Variants in CEP126 observed in about 807,000 individuals in gnomAD.
CEP126 encodes centrosomal protein 126.
CEP126 carries 74 observed loss-of-function variants against 107.8 expected under a neutral mutation model. The ratio of observed to expected loss-of-function variants is 0.69; its 90% CI spans 0.57 to 0.83. The LOEUF is 0.83. CEP126 is among the 40% of genes least tolerant of loss of function. The pLI, the probability that CEP126 is intolerant of heterozygous loss-of-function variation, is 0.00. For synonymous variants in CEP126, 449 were observed against 446.0 expected, an observed-to-expected ratio of 1.01 and a Z score of -0.08; for missense variants, 1,237 against 1,281.9, an observed-to-expected ratio of 0.96 and a Z score of 0.53.
Position 101,956,801 on chromosome 11 carries a change from G to C in CEP126, c.507-1367G>C, listed in dbSNP as rs1293600543. On this transcript the variant is annotated intron_variant, in intron 4 of 10. Transcript: ENST00000263468. ...TCCCCCTATTCTTCACTCTCCTTCT[G>C]TTTCTACCTCCCCATCTCCTTTTAT... 2 of 440,628 alleles carry C rather than the reference G, an allele frequency of 4.5e-6. 1 individual carries two copies. The highest frequency in any genetic ancestry group is 3.3e-5 in the South Asian group (2 of 60,956). 27.3% of individuals were successfully genotyped at this position (440,628 alleles called of 1,614,324 possible). A position where few individuals can be genotyped will look rare whatever the true frequency, so the allele number is the denominator to read the frequency against.
chr11:101,934,943 A>G (rs1940553779), intron 2 of CEP126, among the ~76,000 whole-genome samples: 1 of 152,048 alleles, frequency 6.6e-6, no homozygotes, highest in African/African-American at 2.4e-5. Context: ...GTCTTAGGGT[A>G]TGTGTATGTT....
chr11:101,972,621 T>C (rs1941144943), intron 6 of CEP126, among the ~76,000 whole-genome samples: 1 of 151,846 alleles, frequency 6.6e-6, no homozygotes, highest in Non-Finnish European at 1.5e-5. Context: ...GCCAACATAG[T>C]GAAACCCTGT....
intron 3 of CEP126, 37 bp from the exon 4 acceptor site, chr11:101,947,994 G>A: frequency 1.9e-6 from 2 of 1,063,582 alleles, no homozygotes; most frequent in Admixed American, 2.2e-5. Flanking sequence ...TGAAGATAAA[G>A]TGATTCTGTA....
chr11:101,992,897 G>A (rs1449345135), intron 10 of CEP126, 55 bp downstream of exon 10: 72 of 1,435,622 alleles, frequency 5.0e-5, no homozygotes, highest in Non-Finnish European at 6.2e-5. Context: ...CTGATTTTAT[G>A]TACACATCAA....
intron 4 of CEP126, chr11:101,956,442 C>T: frequency 2.2e-6 from 1 of 456,524 alleles, no homozygotes; most frequent in South Asian, 1.5e-5. Context: ...CAAGCCACAG[C>T]ATTGTCAAAT....
At chr11:101,964,970 ATATACCTAAT>A (rs1941042326) in intron 6 of CEP126, among the ~76,000 whole-genome samples, 1 of 152,176 alleles carries the variant, frequency 6.6e-6, no homozygotes, top group Non-Finnish European at 1.5e-5. Flanking sequence ...TATTAATTAG[ATATACCTAAT>A]TCTCCCATTC....
At chr11:101,923,998 A>T (rs1940370571) in intron 2 of CEP126, among the ~76,000 whole-genome samples, 1 of 152,202 alleles carries the variant, frequency 6.6e-6, no homozygotes, top group Non-Finnish European at 1.5e-5. Flanking sequence ...ATTAATGTTT[A>T]TCAGTTGTTT....
At chr11:101,918,794 T>C (rs896917114) in intron 1 of CEP126, among the ~76,000 whole-genome samples, 5 of 152,154 alleles carry the variant, frequency 3.3e-5, no homozygotes, top group Admixed American at 6.5e-5. Flanking sequence ...CATGTACTCA[T>C]GAAGGTGTCA....
intron 2 of CEP126, among the ~76,000 whole-genome samples, chr11:101,934,227 T>C (rs911037962): frequency 4.6e-5 from 7 of 152,094 alleles, no homozygotes; most frequent in African/African-American, 7.2e-5. Flanking sequence ...CTTGGCTCTT[T>C]TTGTCTCCCT....
chr11:101,992,153 TA>T (rs200581214), intron 9 of CEP126, among the ~76,000 whole-genome samples: 1,503 of 127,584 alleles, frequency 0.012, 25 homozygotes, highest in African/African-American at 0.04. Context: ...AAACTATTTT[TA>T]AAAAAAAATA....
Position 101,962,238 on chromosome 11 carries a change from A to G in CEP126, c.1203A>G (p.Ala401=). The change falls in exon 6 of 11, where the codon GCA becomes GCG. Residue 401 remains alanine (A), a synonymous_variant. Transcript: ENST00000263468. ...GGACAACTGACTCCACTTCTGGAGC[A>G]TTCAAAAGAGAGAGACCATTAGTTA... ...TMRTTDSTSG[A]FKRERPLVTE... is the part of the protein sequence containing the mutation. 6.2e-7 allele frequency: 1 copy of G among 1,613,972 alleles called. No homozygotes were observed. The highest frequency in any genetic ancestry group is 1.7e-4 in the Middle Eastern group (1 of 6,060).
At chr11:101,923,048 CT>C (rs949839469) in intron 2 of CEP126, among the ~76,000 whole-genome samples, 5 of 152,004 alleles carry the variant, frequency 3.3e-5, no homozygotes, top group African/African-American at 9.7e-5. Flanking sequence ...GTATTATCTT[CT>C]TTTTTTGTAT....
In CEP126 at chr11:102,000,701, A is replaced by C. The variant is rs1160938782; in HGVS notation, c.*3058A>C. 6.6e-6 allele frequency: 1 copy of C among 152,180 alleles called. No homozygotes were observed. Among genetic ancestry groups the C allele is most frequent in the African/African-American group, 2.4e-5 (1 of 41,446 alleles). 9.4% of individuals were successfully genotyped at this position (152,180 alleles called of 1,614,324 possible). A position where few individuals can be genotyped will look rare whatever the true frequency, so the allele number is the denominator to read the frequency against. ...AGCAACACTCTGTCTTAAAAGAAAAAAAAAAAAGAGAGAGATAGTAATCTC... is the reference window on the plus strand; with the variant it reads ...AGCAACACTCTGTCTTAAAAGAAAACAAAAAAAGAGAGAGATAGTAATCTC... On this transcript the variant is annotated 3_prime_UTR_variant, in exon 11 of 11. Coordinates refer to ENST00000263468, the MANE Select transcript of CEP126 (RefSeq NM_020802.4).
rs1491167740 is a variant in CEP126 at position 101,938,159 on chromosome 11, C to CAAAAAAAAAAAA, written c.249-6100_249-6089dup. Among the ~76,000 whole-genome samples, 81 of 39,234 alleles carry CAAAAAAAAAAAA rather than the reference C, an allele frequency of 2.1e-3. 7 individuals are homozygous for CAAAAAAAAAAAA. The highest frequency in any genetic ancestry group is 2.8e-3 in the Non-Finnish European group (53 of 18,746). 25.7% of individuals were successfully genotyped at this position (39,234 alleles called of 152,430 possible). A position where few individuals can be genotyped will look rare whatever the true frequency, so the allele number is the denominator to read the frequency against. On this transcript the variant is annotated intron_variant, in intron 2 of 10. Transcript: ENST00000263468. ...TGGGCGACAGAGCGAGACTCTGTCT[C>CAAAAAAAAAAAA]AAAAAAAAAAAAAAAAATACAAGAA...
At chr11:101,917,244 A>G (rs192646279) in intron 1 of CEP126, among the ~76,000 whole-genome samples, 3 of 152,284 alleles carry the variant, frequency 2.0e-5, no homozygotes, top group Admixed American at 1.3e-4. Context: ...TACCTTTTAT[A>G]TAAGTTTAAT....
At chr11:101,955,975 G>T in intron 4 of CEP126, 1 of 456,356 alleles carries the variant, frequency 2.2e-6, no homozygotes, top group Non-Finnish European at 4.4e-6. Context: ...CTCTTCCAAA[G>T]ACCTTTGCAC....
intron 6 of CEP126, among the ~76,000 whole-genome samples, chr11:101,977,938 T>G (rs1291177346): frequency 2.0e-5 from 3 of 152,212 alleles, no homozygotes; most frequent in Non-Finnish European, 4.4e-5. Context: ...ACTTCATGCA[T>G]TACATGAGCA....
chr11:101,960,050 A>G (rs1042659463), intron 5 of CEP126, among the ~76,000 whole-genome samples: 4 of 152,150 alleles, frequency 2.6e-5, no homozygotes, highest in African/African-American at 9.7e-5. Context: ...AAGCCCAACA[A>G]ACTCCAAGAA....
intron 2 of CEP126, among the ~76,000 whole-genome samples, chr11:101,923,947 A>AAATATC (rs1362139307): frequency 6.6e-6 from 1 of 152,170 alleles, no homozygotes; most frequent in Non-Finnish European, 1.5e-5. Context: ...ATACATGTAA[A>AAATATC]AATATCAGTG....
Sources: allele counts gnomAD v4.1 joint callset (sites outside exome capture counted in the v4.1 genomes callset), GRCh38; gene constraint gnomAD v4.1.1; transcripts MANE v1.5; gene names NCBI Gene and HGNC (gene_info 2026-07-23, HGNC 2026-07-21).